CAMSAP1: variants seen among roughly 807,000 people sequenced by gnomAD.
The protein encoded by CAMSAP1 is calmodulin-regulated spectrin-associated protein 1.
Under a neutral mutation model 143.5 loss-of-function variants are expected in CAMSAP1, and 58 were observed. The ratio of observed to expected loss-of-function variants is 0.40; its 90% CI spans 0.33 to 0.50. The LOEUF (loss-of-function observed/expected upper bound fraction) is 0.50, where lower values mean the gene tolerates loss of function less well. Among genes scored for constraint, CAMSAP1 ranks in the 20% least tolerant of loss-of-function variants. CAMSAP1 has a pLI of 0.45. For synonymous variants in CAMSAP1, 945 were observed against 859.3 expected (o/e 1.10, Z -1.74); for missense variants, 1,969 against 2,115.7 (o/e 0.93, Z 1.36).
intron 3 of CAMSAP1, among the ~76,000 whole-genome samples, chr9:135,875,044 T>G (rs1487139947): frequency 6.6e-6 from 1 of 152,118 alleles, no homozygotes; most frequent in Non-Finnish European, 1.5e-5. Context: ...GAGATAAGCA[T>G]GTCTGTGGGC....
At chr9:135,849,278 C>T (rs972210597) in intron 7 of CAMSAP1, among the ~76,000 whole-genome samples, 3 of 152,198 alleles carry the variant, frequency 2.0e-5, no homozygotes, top group African/African-American at 7.2e-5. Context: ...TTACTGAATG[C>T]TGTACTGACA....
At chr9:135,859,936 G>T (rs753697346) in intron 5 of CAMSAP1, among the ~76,000 whole-genome samples, 14 of 151,642 alleles carry the variant, frequency 9.2e-5, no homozygotes, top group Non-Finnish European at 1.8e-4. Flanking sequence ...CAGGTGCGGT[G>T]GCTCACGTAT....
chr9:135,886,061 TAAAAA>T (rs35789822), intron 1 of CAMSAP1, among the ~76,000 whole-genome samples: 1 of 145,958 alleles, frequency 6.9e-6, no homozygotes, highest in Non-Finnish European at 1.5e-5. Context: ...AATACCTACT[TAAAAA>T]AAAAAAAAAA....
At position 135,818,308 on chromosome 9, in the gene CAMSAP1, C is replaced by G; in HGVS notation, c.4168+100G>C. On this transcript the variant is annotated intron_variant, in intron 13 of 16. Coordinates refer to ENST00000389532, the MANE Select transcript of CAMSAP1 (RefSeq NM_015447.4). This position sits in a 1 kb window ranked among gnomAD's most constrained non-coding sequence, Gnocchi z 7.7. ...GGATAATCATCTCCACCCTTCCCGC[C>G]TCACACCACTCTTGATGACAAAATT... The G allele has an allele frequency of 7.5e-7, 1 of 1,326,136 alleles. No individual in the cohort carries two copies. 82.1% of individuals were successfully genotyped at this position (1,326,136 alleles called of 1,614,324 possible). A position where few individuals can be genotyped will look rare whatever the true frequency, so the allele number is the denominator to read the frequency against.
Position 135,820,744 on chromosome 9 carries a change from G to T in CAMSAP1, c.3822+95C>A. 1.3e-6 allele frequency: 2 copies of T among 1,485,038 alleles called. No homozygotes were observed. The highest frequency in any genetic ancestry group is 1.8e-6 in the Non-Finnish European group (2 of 1,106,260). 92.0% of individuals were successfully genotyped at this position (1,485,038 alleles called of 1,614,324 possible). ...CCCCTGGCCTCTTACAGGAGCGGCTGGCCAGCCTGGTGCAGATCTGTGTTC... is the reference window on the plus strand; with the variant it reads ...CCCCTGGCCTCTTACAGGAGCGGCTTGCCAGCCTGGTGCAGATCTGTGTTC... On this transcript the variant is annotated intron_variant, in intron 11 of 16. Transcript: ENST00000389532. This position sits in a 1 kb window ranked among gnomAD's most constrained non-coding sequence, Gnocchi z 4.4.
At chr9:135,857,779 G>A (rs1387008586) in intron 5 of CAMSAP1, among the ~76,000 whole-genome samples, 1 of 152,208 alleles carries the variant, frequency 6.6e-6, no homozygotes, top group African/African-American at 2.4e-5. Flanking sequence ...ATGGAGTCAA[G>A]TGAGAGAGAC....
At chr9:135,832,110 C>A (rs769634351) in intron 7 of CAMSAP1, among the ~76,000 whole-genome samples, 1 of 152,100 alleles carries the variant, frequency 6.6e-6, no homozygotes, top group African/African-American at 2.4e-5. Context: ...GACATAGACA[C>A]CAGAAGGAAA....
At chr9:135,865,158 C>T (rs1176950981) in intron 4 of CAMSAP1, 4 of 624,318 alleles carry the variant, frequency 6.4e-6, no homozygotes, top group Non-Finnish European at 1.1e-5. Context: ...TATTACAAGG[C>T]CTATTCGGCT....
rs1375544735 is a variant in CAMSAP1 at position 135,809,966 on chromosome 9, C to A, written c.*1343G>T. 1 of 152,546 alleles carries A rather than the reference C, an allele frequency of 6.6e-6. No individual in the cohort carries two copies. The allele number at this position is 152,546 out of a possible 1,614,324, so 9.4% of individuals were successfully genotyped here. ...CAGTTAAATTTGTCTCTTTTTCTCC[C>A]AATTATTGATCTTTTGATTTTTTCT... On this transcript the variant is annotated 3_prime_UTR_variant, in exon 17 of 17. Coordinates refer to ENST00000389532, the MANE Select transcript of CAMSAP1 (RefSeq NM_015447.4).
intron 1 of CAMSAP1, among the ~76,000 whole-genome samples, chr9:135,893,586 T>C (rs893584918): frequency 1.3e-5 from 2 of 152,136 alleles, no homozygotes; most frequent in South Asian, 4.1e-4. Flanking sequence ...ACTGTGCCAC[T>C]GACATGTAAT....
chr9:135,822,433 A>T lies in CAMSAP1; in HGVS notation c.2228T>A (p.Val743Glu). Reference sequence around the variant, plus strand: ...ATCGTGCTCGGCTTCCTCTATGTCCACCACATCCGAGTCAGAATCCTGCCT... The same window carrying T: ...ATCGTGCTCGGCTTCCTCTATGTCCTCCACATCCGAGTCAGAATCCTGCCT... ...LLRQDSDSDV[V>E]DIEEAEHDFM... Residue 743 changes from valine to glutamate, a missense_variant, in exon 11 of 17, where the codon GTG (valine) becomes GAG (glutamate). By Grantham distance (121) the Val-to-Glu change is moderately radical. Around this residue, in one of 4 missense-constraint regions of CAMSAP1, gnomAD observed 1,390 missense variants for 1,420.8 expected, o/e 0.98. Coordinates refer to ENST00000389532, the MANE Select transcript of CAMSAP1 (RefSeq NM_015447.4). The surrounding 1 kb of genome is among the most constrained non-coding windows in gnomAD (Gnocchi z 6.1). 1.2e-6 allele frequency: 2 copies of T among 1,613,858 alleles called. No individual in the cohort carries two copies. The highest frequency in any genetic ancestry group is 1.7e-6 in the Non-Finnish European group (2 of 1,179,874).
chr9:135,810,970 T>TC lies in CAMSAP1; in HGVS notation c.*338dup. On this transcript the variant is annotated 3_prime_UTR_variant, in exon 17 of 17. Coordinates refer to ENST00000389532, the MANE Select transcript of CAMSAP1 (RefSeq NM_015447.4). ...GTCTAATCTATGCTGAAGGAGAACT[T>TC]CAAGTAAGGGAGCTCCGTGGCCCGG... The TC allele has an allele frequency of 3.0e-6, 1 of 337,600 alleles. No homozygotes were observed. Among genetic ancestry groups the TC allele is most frequent in the South Asian group, 3.6e-5 (1 of 27,740 alleles). The allele number at this position is 337,600 out of a possible 1,614,324, so 20.9% of individuals were successfully genotyped here. A position where few individuals can be genotyped will look rare whatever the true frequency, so the allele number is the denominator to read the frequency against.
intron 4 of CAMSAP1, among the ~76,000 whole-genome samples, chr9:135,864,768 G>A (rs1049065504): frequency 9.9e-5 from 15 of 152,174 alleles, no homozygotes; most frequent in African/African-American, 3.4e-4. Context: ...CCTTGCCTGG[G>A]AATAAGGAAA....
intron 1 of CAMSAP1, among the ~76,000 whole-genome samples, chr9:135,890,683 T>C (rs577704300): frequency 2.0e-4 from 31 of 152,204 alleles, no homozygotes; most frequent in Admixed American, 3.9e-4. Flanking sequence ...TCGCGTGGGG[T>C]GACCAGATCT....
intron 7 of CAMSAP1, chr9:135,849,819 T>C (rs1342063097): frequency 2.9e-5 from 6 of 205,470 alleles, no homozygotes; most frequent in Non-Finnish European, 5.9e-5. Context: ...CTTTCTAGAT[T>C]GTCAAGCCTG....
At chr9:135,840,783 C>T (rs991742253) in intron 7 of CAMSAP1, among the ~76,000 whole-genome samples, 14 of 152,154 alleles carry the variant, frequency 9.2e-5, no homozygotes, top group Admixed American at 8.5e-4. Context: ...CTCTTCCAGC[C>T]AAGGGAAGCC....
Position 135,821,832 on chromosome 9 carries a change from G to A in CAMSAP1, c.2829C>T (p.Asn943=), listed in dbSNP as rs377034598. 5.4e-5 allele frequency: 87 copies of A among 1,613,880 alleles called. No individual in the cohort carries two copies. Among genetic ancestry groups the A allele is most frequent in the East Asian group, 1.8e-4 (8 of 44,874 alleles). The change falls in exon 11 of 17, where the codon AAC becomes AAT. Residue 943 remains asparagine (N), a synonymous_variant. Coordinates refer to ENST00000389532, the MANE Select transcript of CAMSAP1 (RefSeq NM_015447.4). This position sits in a 1 kb window ranked among gnomAD's most constrained non-coding sequence, Gnocchi z 4.6. The part of the protein sequence containing the change: ...EHFAKEYSQH[N]GEDCGDAVSK... ...AAACAGCGTCCCCACAGTCCTCCCC[G>A]TTGTGCTGAGAGTACTCCTTTGCAA...
intron 7 of CAMSAP1, among the ~76,000 whole-genome samples, chr9:135,840,456 T>A (rs957186382): frequency 2.6e-5 from 4 of 152,032 alleles, no homozygotes; most frequent in African/African-American, 9.7e-5. Context: ...CGGGGTCCGA[T>A]GGGAAGAGGC....
chr9:135,861,884 C>T (rs1454486618), intron 5 of CAMSAP1, among the ~76,000 whole-genome samples: 2 of 152,226 alleles, frequency 1.3e-5, no homozygotes, highest in African/African-American at 4.8e-5. Context: ...GTCACTCTCT[C>T]TCTCTCCTCG....
Sources: gnomAD v4.1 joint callset for allele counts (sites outside exome capture counted in the v4.1 genomes callset) on GRCh38, gnomAD v4.1.1 for gene constraint, gnomAD v4.1.1 regional missense constraint, Gnocchi (gnomAD v3.1) non-coding constraint, MANE v1.5 for transcripts, NCBI Gene and HGNC (gene_info 2026-07-23, HGNC 2026-07-21) for gene names.